KCTD1: variants seen among roughly 807,000 people sequenced by gnomAD.
KCTD1 encodes the protein BTB/POZ domain-containing protein KCTD1.
KCTD1 carries 24 observed loss-of-function variants against 66.0 expected under a neutral mutation model. That is an observed-to-expected ratio of 0.36 (90% CI 0.26 to 0.51). KCTD1 has a LOEUF of 0.51. KCTD1 is among the 20% of genes least tolerant of loss of function. KCTD1 has a pLI of 0.95. For synonymous variants in KCTD1, 511 were observed against 517.2 expected (o/e 0.99, Z 0.16); for missense variants, 943 against 1,205.2 (o/e 0.78, Z 3.22).
intron 1 of KCTD1, among the ~76,000 whole-genome samples, chr18:26,585,648 G>T (rs562555871): frequency 1.3e-5 from 2 of 152,246 alleles, no homozygotes; most frequent in Admixed American, 6.5e-5. Flanking sequence ...CCAAGTCAGA[G>T]AATTAATTAT....
At chr18:26,649,871 A>G (rs1987996951) in intron 1 of KCTD1, among the ~76,000 whole-genome samples, 1 of 152,112 alleles carries the variant, frequency 6.6e-6, no homozygotes, top group Admixed American at 6.6e-5. Context: ...GGCGATTCCA[A>G]GTTTACTTGC....
chr18:26,646,915 G>A (rs1224915048), intron 1 of KCTD1, among the ~76,000 whole-genome samples: 1 of 152,142 alleles, frequency 6.6e-6, no homozygotes, highest in Non-Finnish European at 1.5e-5. Context: ...AAATGCCCCT[G>A]ATTTCTTAAG....
upstream of KCTD1, among the ~76,000 whole-genome samples, chr18:26,642,451 T>C (rs948632981): frequency 1.3e-5 from 2 of 152,172 alleles, no homozygotes; most frequent in Admixed American, 1.3e-4. Flanking sequence ...CAGGGAAAAT[T>C]TCCTGAGAAA....
In KCTD1 at chr18:26,472,139, G is replaced by A. The variant is rs1981101397; in HGVS notation, c.2133+4376C>T. Among the ~76,000 whole-genome samples, 3 of 152,174 alleles carry A rather than the reference G, an allele frequency of 2.0e-5. No individual in the cohort carries two copies. In the South Asian group the frequency reaches 6.3e-4, roughly 32 times the overall value. ...TCTTGGTGGTGGTGGTGGCAGAGGG[G>A]GAGGCAGACAGAGTGAGCTCATTTT... On this transcript the variant is annotated intron_variant, in intron 3 of 4. Transcript: ENST00000580059.
At chr18:26,505,151 G>C (rs1982966506) in intron 1 of KCTD1, among the ~76,000 whole-genome samples, 1 of 152,274 alleles carries the variant, frequency 6.6e-6, no homozygotes, top group Non-Finnish European at 1.5e-5. Flanking sequence ...CTGCTTCCCT[G>C]CGAGGTCATT....
upstream of KCTD1, chr18:26,549,597 G>A: frequency 6.4e-6 from 5 of 782,460 alleles, no homozygotes; most frequent in Non-Finnish European, 7.8e-6. Flanking sequence ...ACTCCCTCGG[G>A]CGAGGCGCTC....
intron 1 of KCTD1, among the ~76,000 whole-genome samples, chr18:26,617,427 AG>A (rs965387873): frequency 6.6e-6 from 1 of 152,236 alleles, no homozygotes; most frequent in Non-Finnish European, 1.5e-5. Context: ...TGAGGAGCAA[AG>A]GCTCTTAATA....
At chr18:26,485,235 C>CATG (rs892607828) in intron 2 of KCTD1, among the ~76,000 whole-genome samples, 4 of 152,172 alleles carry the variant, frequency 2.6e-5, no homozygotes, top group African/African-American at 7.2e-5. Context: ...TTGACACCTC[C>CATG]ATGAGGTAGG....
intron 1 of KCTD1, among the ~76,000 whole-genome samples, chr18:26,518,105 T>C (rs746725229): frequency 6.6e-6 from 1 of 152,228 alleles, no homozygotes; most frequent in South Asian, 2.1e-4. Context: ...AGACACTCAG[T>C]AGGCACGAAA....
intron 1 of KCTD1, among the ~76,000 whole-genome samples, chr18:26,620,888 C>T (rs558063074): frequency 6.7e-5 from 10 of 148,686 alleles, no homozygotes; most frequent in African/African-American, 2.2e-4. Context: ...GCTGGAGTGC[C>T]GTGGCGCGAT....
chr18:26,631,894 A>T (rs1488762584), upstream of KCTD1, among the ~76,000 whole-genome samples: 1 of 148,104 alleles, frequency 6.8e-6, no homozygotes, highest in African/African-American at 2.5e-5. Context: ...TAAAAATACA[A>T]AAAAAATTAG....
intron 1 of KCTD1, among the ~76,000 whole-genome samples, chr18:26,561,704 G>C (rs1315998060): frequency 6.6e-6 from 1 of 152,176 alleles, no homozygotes; most frequent in Non-Finnish European, 1.5e-5. Context: ...CAACTATAAG[G>C]GATGTGCCCA....
At chr18:26,500,973 C>T in intron 2 of KCTD1, 99 bp downstream of exon 2, 1 of 1,335,198 alleles carries the variant, frequency 7.5e-7, no homozygotes, top group Non-Finnish European at 1.0e-6. Context: ...ACATCCTGCC[C>T]CCTGCCTCCA....
intron 1 of KCTD1, among the ~76,000 whole-genome samples, chr18:26,619,732 T>C (rs1259405322): frequency 6.6e-6 from 1 of 152,196 alleles, no homozygotes; most frequent in Admixed American, 6.5e-5. Context: ...ATGCCTCTTC[T>C]TCACTGGACA....
At position 26,455,653 on chromosome 18, in the gene KCTD1, G is replaced by A; in HGVS notation, c.*90C>T. 6.5e-7 allele frequency: 1 copy of A among 1,549,772 alleles called. No homozygotes were observed. The highest frequency in any genetic ancestry group is 1.1e-5 in the South Asian group (1 of 87,580). On this transcript the variant is annotated 3_prime_UTR_variant, in exon 5 of 5. Coordinates refer to ENST00000580059, the MANE Select transcript of KCTD1 (RefSeq NM_001142730.3). ...TATTCGATTTTACGTCCAGGACTTG[G>A]TTTGCTGTCCCAACTGCACATAAAT...
At position 26,548,261 on chromosome 18, in the gene KCTD1, CTCCTCCTCCTCG is replaced by C. The variant is rs768556779; in HGVS notation, c.264_275del (p.Asp88_Glu91del). 3.0e-5 allele frequency: 44 copies of C among 1,451,792 alleles called. No homozygotes were observed. Among genetic ancestry groups the C allele is most frequent in the Non-Finnish European group, 3.6e-5 (40 of 1,104,026 alleles). 89.9% of individuals were successfully genotyped at this position (1,451,792 alleles called of 1,614,324 possible). A position where few individuals can be genotyped will look rare whatever the true frequency, so the allele number is the denominator to read the frequency against. On this transcript the variant is annotated inframe_deletion, in exon 1 of 5. Transcript: ENST00000580059. ...AGTCCAGCCCCATCTCCTCCTCTTC[CTCCTCCTCCTCG>C]TCCTCCTCCAGCCCCCCACCTCCGT... is the stretch of plus-strand genomic sequence containing the variant.
intron 1 of KCTD1, among the ~76,000 whole-genome samples, chr18:26,620,296 CCTTATGAA>C (rs1987344787): frequency 7.3e-6 from 1 of 136,300 alleles, no homozygotes; most frequent in Admixed American, 8.0e-5. Flanking sequence ...AGGGAGCTGT[CCTTATGAA>C]ATTCAAATTC....
chr18:26,595,477 T>C (rs1346129336), intron 1 of KCTD1, among the ~76,000 whole-genome samples: 1 of 152,178 alleles, frequency 6.6e-6, no homozygotes, highest in African/African-American at 2.4e-5. Context: ...TCAATGGATG[T>C]TAGAGGGAGG....
intron 3 of KCTD1, among the ~76,000 whole-genome samples, chr18:26,466,563 C>T (rs931638408): frequency 2.0e-5 from 3 of 152,172 alleles, no homozygotes; most frequent in Non-Finnish European, 4.4e-5. Flanking sequence ...AGGGATGCTG[C>T]TGAAAACCCT....
Sources: gnomAD v4.1 joint callset for allele counts (sites outside exome capture counted in the v4.1 genomes callset) on GRCh38, gnomAD v4.1.1 for gene constraint, MANE v1.5 for transcripts, NCBI Gene and HGNC (gene_info 2026-07-23, HGNC 2026-07-21) for gene names.